Variants in UNC13C observed in about 807,000 individuals in gnomAD.
UNC13C encodes the protein unc-13 homolog C.
Under a neutral mutation model 245.4 loss-of-function variants are expected in UNC13C, and 174 were observed. The ratio of observed to expected loss-of-function variants is 0.71; its 90% CI spans 0.63 to 0.80. The LOEUF (loss-of-function observed/expected upper bound fraction) is 0.80. Ranked by LOEUF, UNC13C falls within the 30% of genes least tolerant of loss-of-function variation. The pLI is 0.00. For synonymous variants in UNC13C, 992 were observed against 895.1 expected (o/e 1.11, Z -1.93); for missense variants, 2,829 against 2,602.9 (o/e 1.09, Z -1.89).
In UNC13C at chr15:54,013,877, A is replaced by C. The variant is rs774720198; in HGVS notation, c.974A>C (p.Asn325Thr). The C allele has an allele frequency of 2.5e-6, 4 of 1,613,292 alleles. No homozygotes were observed. The highest frequency in any genetic ancestry group is 2.5e-6 in the Non-Finnish European group (3 of 1,179,704). The change falls in exon 2 of 33, where the codon AAT becomes ACT. Residue 325 changes from asparagine (N) to threonine (T), a missense_variant. Coordinates refer to ENST00000260323, the MANE Select transcript of UNC13C (RefSeq NM_001080534.3). ...MGSKASLRFL[N>T]VTEERFEYVE... ...AGCAAGGCAAGCCTGAGATTTTTAA[A>C]TGTGACTGAAGAAAGATTTGAATAT...
At chr15:54,132,074 C>CTTTTTTTTTTTTTT (rs1555420957) in intron 2 of UNC13C, among the ~76,000 whole-genome samples, 2 of 110,642 alleles carry the variant, frequency 1.8e-5, no homozygotes, top group African/African-American at 6.4e-5. Context: ...TTTTCTTTTT[C>CTTTTTTTTTTTTTT]TTTTTTTTTT....
chr15:53,907,706 C>A, the UNC13C span, among the ~76,000 whole-genome samples: 1 of 148,352 alleles, frequency 6.7e-6, no homozygotes, highest in Non-Finnish European at 1.5e-5. Context: ...AAATAAAAGT[C>A]ATTTATTATT....
At chr15:54,003,210 G>A (rs1017328437) in intron 1 of UNC13C, among the ~76,000 whole-genome samples, 3 of 152,114 alleles carry the variant, frequency 2.0e-5, no homozygotes, top group Non-Finnish European at 2.9e-5. Flanking sequence ...AAAAGTGGGA[G>A]GGGGCTTGTT....
chr15:53,945,243 T>A, the UNC13C span, among the ~76,000 whole-genome samples: 1 of 152,236 alleles, frequency 6.6e-6, no homozygotes, highest in Non-Finnish European at 1.5e-5. Context: ...AGCTCTTTAG[T>A]TCAATTAGAT....
intron 19 of UNC13C, among the ~76,000 whole-genome samples, chr15:54,444,831 T>C (rs1038085676): frequency 1.3e-5 from 2 of 151,896 alleles, no homozygotes; most frequent in African/African-American, 4.8e-5. Flanking sequence ...TATTTTTTAT[T>C]GTACTTTAAG....
At chr15:54,340,479 G>A (rs2141008389) in intron 17 of UNC13C, among the ~76,000 whole-genome samples, 1 of 152,272 alleles carries the variant, frequency 6.6e-6, no homozygotes, top group South Asian at 2.1e-4. Flanking sequence ...GAGAGATGAA[G>A]ATCCAGTTTC....
At chr15:54,422,958 TACACACACACAC>T (rs35647420) in intron 19 of UNC13C, among the ~76,000 whole-genome samples, 3 of 145,924 alleles carry the variant, frequency 2.1e-5, no homozygotes, top group Non-Finnish European at 4.5e-5. Context: ...AGCAATATAG[TACACACACACAC>T]ACACACACAC....
chr15:53,844,541 G>A, the UNC13C span, among the ~76,000 whole-genome samples: 2 of 152,048 alleles, frequency 1.3e-5, no homozygotes, highest in African/African-American at 4.8e-5. Flanking sequence ...TCGAAGTTAG[G>A]CTCCTGCACT....
chr15:54,235,162 C>T (rs2035659188), intron 5 of UNC13C, 54 bp downstream of exon 5: 2 of 1,509,900 alleles, frequency 1.3e-6, no homozygotes, highest in Non-Finnish European at 9.2e-7. Flanking sequence ...TTTTTCCTTA[C>T]TAAAATGTAA....
chr15:54,182,452 G>T (rs10162853), intron 4 of UNC13C, among the ~76,000 whole-genome samples: 12,656 of 151,700 alleles, frequency 0.083, 734 homozygotes, highest in African/African-American at 0.16. Context: ...TTTGTTGAGG[G>T]ATATTGGTCT....
At chr15:54,162,983 T>C (rs573852857) in intron 4 of UNC13C, among the ~76,000 whole-genome samples, 3 of 152,292 alleles carry the variant, frequency 2.0e-5, no homozygotes, top group Non-Finnish European at 4.4e-5. Context: ...GTGCCGCGTT[T>C]TAGGATTTTC....
intron 2 of UNC13C, among the ~76,000 whole-genome samples, chr15:54,047,543 G>A (rs1897091636): frequency 6.6e-6 from 1 of 152,056 alleles, no homozygotes; most frequent in Non-Finnish European, 1.5e-5. Flanking sequence ...CTAAGCATAG[G>A]TTTTCAAGGT....
At chr15:54,124,860 AT>A (rs2030929976) in intron 2 of UNC13C, among the ~76,000 whole-genome samples, 1 of 152,156 alleles carries the variant, frequency 6.6e-6, no homozygotes, top group South Asian at 2.1e-4. Flanking sequence ...GCCTATGAAT[AT>A]CCAATTGCTC....
chr15:54,507,056 T>C (rs1894504969), intron 22 of UNC13C, 61 bp from the exon 23 acceptor site: 1 of 1,119,212 alleles, frequency 8.9e-7, no homozygotes, highest in South Asian at 1.6e-5. Context: ...GATTAAACTT[T>C]ATAGCATATT....
chr15:54,168,561 T>C (rs1397669818), intron 4 of UNC13C, among the ~76,000 whole-genome samples: 1 of 152,198 alleles, frequency 6.6e-6, no homozygotes, highest in Non-Finnish European at 1.5e-5. Context: ...TTCTGTTTAT[T>C]AATATTTAAT....
the UNC13C span, among the ~76,000 whole-genome samples, chr15:53,884,851 C>T: frequency 6.6e-6 from 1 of 152,172 alleles, no homozygotes; most frequent in African/African-American, 2.4e-5. Context: ...ACTTCTCCTC[C>T]TACCAAATGC....
intron 19 of UNC13C, among the ~76,000 whole-genome samples, chr15:54,446,602 G>T (rs1315125631): frequency 6.6e-6 from 1 of 151,942 alleles, no homozygotes; most frequent in Admixed American, 6.6e-5. Context: ...GCCTGTTATT[G>T]GTGTATAAGA....
intron 2 of UNC13C, among the ~76,000 whole-genome samples, chr15:54,090,776 G>T (rs369186147): frequency 1.3e-5 from 2 of 152,158 alleles, no homozygotes; most frequent in African/African-American, 4.8e-5. Context: ...CAGCCTGAAA[G>T]CTCCCACGCC....
At chr15:53,900,659 A>G in the UNC13C span, among the ~76,000 whole-genome samples, 38 of 152,218 alleles carry the variant, frequency 2.5e-4, no homozygotes, top group African/African-American at 8.4e-4. Context: ...TGTTCATCAA[A>G]CTTCTATTTT....
Sources: gnomAD v4.1 joint callset for allele counts (sites outside exome capture counted in the v4.1 genomes callset) on GRCh38, gnomAD v4.1.1 for gene constraint, MANE v1.5 for transcripts, NCBI Gene and HGNC (gene_info 2026-07-23, HGNC 2026-07-21) for gene names.